The following PCDH11X variants were observed in gnomAD, a reference collection of about 807,000 sequenced individuals.
The protein encoded by PCDH11X is protocadherin-11 X-linked.
A neutral mutation model predicts 53.3 loss-of-function variants in PCDH11X; 18 were observed. The ratio of observed to expected loss-of-function variants is 0.34; its 90% CI spans 0.23 to 0.50. PCDH11X has a LOEUF of 0.50. Ranked by LOEUF, PCDH11X falls within the 20% of genes least tolerant of loss-of-function variation. The probability of loss-of-function intolerance (pLI) is 0.98; values close to 1 mark genes in which losing one functional copy is unlikely to be tolerated. For missense variants in PCDH11X, 570 were observed against 1,032.4 expected, an observed-to-expected ratio of 0.55 and a Z score of 6.14; for synonymous variants, 279 against 393.3, an observed-to-expected ratio of 0.71 and a Z score of 3.44.
chrX:92,098,127 A>T (rs949029169), intron 6 of PCDH11X, among the ~76,000 whole-genome samples: 1 of 110,720 alleles, frequency 9.0e-6, no homozygotes, highest in Non-Finnish European at 1.9e-5. Context: ...TAGGGAAAAA[A>T]ATGAGGTAGC....
chrX:91,928,466 CA>C (rs1439847723), intron 6 of PCDH11X, among the ~76,000 whole-genome samples: 1 of 95,260 alleles, frequency 1.0e-5, no homozygotes, highest in Non-Finnish European at 2.1e-5. Flanking sequence ...GCCTAAAAAA[CA>C]TTCAAATATT....
intron 6 of PCDH11X, among the ~76,000 whole-genome samples, chrX:92,024,821 C>A (rs1239206362): frequency 1.9e-5 from 2 of 106,591 alleles, no homozygotes; most frequent in Non-Finnish European, 3.9e-5. Flanking sequence ...CTTCGTGGTA[C>A]TGACATACAA....
chrX:92,313,325 T>C (rs1472113149), intron 8 of PCDH11X, among the ~76,000 whole-genome samples: 58 of 109,648 alleles, frequency 5.3e-4, no homozygotes, highest in African/African-American at 1.8e-3. Context: ...TTAGAGAAAA[T>C]AGGTAACTGG....
intron 10 of PCDH11X, among the ~76,000 whole-genome samples, chrX:92,602,281 G>A (rs1224822116): frequency 1.8e-5 from 2 of 111,717 alleles, no homozygotes; most frequent in Non-Finnish European, 3.8e-5. Flanking sequence ...AGAAGAAGCC[G>A]ATAGCTCCAT....
At chrX:92,346,942 A>G (rs1289565062) in intron 8 of PCDH11X, among the ~76,000 whole-genome samples, 1 of 111,435 alleles carries the variant, frequency 9.0e-6, no homozygotes, top group Non-Finnish European at 1.9e-5. Context: ...TTGGTTTCCT[A>G]CTAATTTTCT....
At chrX:92,172,014 G>A (rs2065833192) in intron 6 of PCDH11X, among the ~76,000 whole-genome samples, 3 of 105,846 alleles carry the variant, frequency 2.8e-5, no homozygotes, top group African/African-American at 6.8e-5. Flanking sequence ...TTTTATTTTT[G>A]GATTATTCAT....
At chrX:91,957,333 G>A in intron 6 of PCDH11X, among the ~76,000 whole-genome samples, 1 of 110,937 alleles carries the variant, frequency 9.0e-6, no homozygotes, top group Non-Finnish European at 1.9e-5. Flanking sequence ...AGGAGAAGAA[G>A]CACTCTGGCT....
intron 6 of PCDH11X, among the ~76,000 whole-genome samples, chrX:92,090,479 G>A (rs113530367): frequency 0.039 from 4,308 of 111,224 alleles, 207 homozygotes; most frequent in African/African-American, 0.13. Context: ...TGCCAGTTTC[G>A]ATTCATCAAT....
At chrX:92,342,451 G>T (rs1369932105) in intron 8 of PCDH11X, among the ~76,000 whole-genome samples, 11 of 111,506 alleles carry the variant, frequency 9.9e-5, no homozygotes, top group Non-Finnish European at 1.7e-4. Flanking sequence ...GGAATCAACC[G>T]AGATGCCCAT....
At chrX:91,969,116 C>A (rs1024882590) in intron 6 of PCDH11X, among the ~76,000 whole-genome samples, 28 of 110,690 alleles carry the variant, frequency 2.5e-4, no homozygotes, top group Non-Finnish European at 4.5e-4. Flanking sequence ...AATTAAAACA[C>A]TATACAGTAT....
rs2072883291 is a variant in PCDH11X, at chrX:92,455,031, A to G, written c.3344-13268A>G. 2.8e-5 allele frequency among the ~76,000 whole-genome samples: 3 copies of G among 108,527 alleles called. No individual in the cohort carries two copies. In the South Asian group the frequency reaches 1.2e-3, roughly 44 times the overall value. 94.2% of individuals were successfully genotyped at this position (108,527 alleles called of 115,157 possible). ...TAGAATATGACTGGGTTTTGATTATATATTGCCAGAAAATAGTTTCACCTA... is the reference window on the plus strand; with the variant it reads ...TAGAATATGACTGGGTTTTGATTATGTATTGCCAGAAAATAGTTTCACCTA... On this transcript the variant is annotated intron_variant, in intron 9 of 10. Transcript: ENST00000682573.
At chrX:91,957,503 C>G (rs2061725495) in intron 6 of PCDH11X, among the ~76,000 whole-genome samples, 2 of 110,584 alleles carry the variant, frequency 1.8e-5, no homozygotes, top group Middle Eastern at 4.6e-3. Context: ...TTTTGACAGT[C>G]AGGCTACTTT....
intron 7 of PCDH11X, among the ~76,000 whole-genome samples, chrX:92,256,834 A>G (rs192993217): frequency 4.1e-4 from 45 of 110,280 alleles, no homozygotes; most frequent in African/African-American, 1.5e-3. Flanking sequence ...CTTCTGCATT[A>G]CTTTGCTGAG....
At chrX:92,484,086 CTGTGTGTG>C (rs370267882) in intron 10 of PCDH11X, among the ~76,000 whole-genome samples, 1 of 77,915 alleles carries the variant, frequency 1.3e-5, no homozygotes, top group Admixed American at 1.9e-4. Flanking sequence ...AAGAAAATCT[CTGTGTGTG>C]TGTGTGTGTG....
At chrX:92,296,705 C>T (rs2068616920) in intron 8 of PCDH11X, among the ~76,000 whole-genome samples, 2 of 100,667 alleles carry the variant, frequency 2.0e-5, no homozygotes, top group South Asian at 1.0e-3. Context: ...CAGCAATGAA[C>T]ATCCATGTGC....
At chrX:92,132,653 A>C in intron 6 of PCDH11X, among the ~76,000 whole-genome samples, 1 of 54,472 alleles carries the variant, frequency 1.8e-5, no homozygotes, top group Admixed American at 3.0e-4. Context: ...ATATATATAT[A>C]TATGTATATA....
intron 10 of PCDH11X, among the ~76,000 whole-genome samples, chrX:92,527,624 C>A (rs1422560793): frequency 1.8e-5 from 2 of 110,406 alleles, no homozygotes; most frequent in African/African-American, 6.6e-5. Flanking sequence ...AGAAAATTAG[C>A]CCTAAAATTA....
chrX:92,054,681 A>C (rs2063416899), intron 6 of PCDH11X, among the ~76,000 whole-genome samples: 1 of 109,884 alleles, frequency 9.1e-6, no homozygotes, highest in South Asian at 3.9e-4. Flanking sequence ...TTAGCTGGGC[A>C]TGGTGGCACA....
chrX:92,532,981 C>T (rs1192839560), intron 10 of PCDH11X, among the ~76,000 whole-genome samples: 1 of 109,690 alleles, frequency 9.1e-6, no homozygotes, highest in African/African-American at 3.3e-5. Context: ...AGGAAAGACC[C>T]ACCTCCATAA....
Sources: gnomAD v4.1 joint callset for allele counts (sites outside exome capture counted in the v4.1 genomes callset) on GRCh38, gnomAD v4.1.1 for gene constraint, MANE v1.5 for transcripts, NCBI Gene and HGNC (gene_info 2026-07-23, HGNC 2026-07-21) for gene names.